SLC18B1: variants seen among roughly 807,000 people sequenced by gnomAD.
SLC18B1 encodes the protein MFS-type transporter SLC18B1.
A neutral mutation model predicts 53.9 loss-of-function variants in SLC18B1; 62 were observed. The ratio of observed to expected loss-of-function variants is 1.15; its 90% confidence interval spans 0.94 to 1.42. The LOEUF is 1.42. SLC18B1 is among the 40% of genes most tolerant of loss of function. The probability of loss-of-function intolerance (pLI) is 0.00; values close to 1 mark genes in which losing one functional copy is unlikely to be tolerated. For missense variants in SLC18B1, 598 were observed against 547.3 expected, an observed-to-expected ratio of 1.09 and a Z score of -0.93; for synonymous variants, 217 against 200.9, an observed-to-expected ratio of 1.08 and a Z score of -0.68.
At chr6:132,776,558 A>C in intron 7 of SLC18B1, 129 bp from the exon 8 acceptor site, 1 of 645,480 alleles carries the variant, frequency 1.5e-6, no homozygotes, top group Non-Finnish European at 2.6e-6. Context: ...CATTTTCCTA[A>C]TTTTCATCTT....
chr6:132,779,246 C>T, intron 7 of SLC18B1, 22 bp downstream of exon 7: 2 of 1,612,682 alleles, frequency 1.2e-6, no homozygotes, highest in Non-Finnish European at 1.7e-6. Context: ...ATGCAGCACT[C>T]TTCAGCAATC....
chr6:132,795,936 G>A (rs1385832704), intron 2 of SLC18B1, among the ~76,000 whole-genome samples: 1 of 152,216 alleles, frequency 6.6e-6, no homozygotes, highest in Admixed American at 6.5e-5. Flanking sequence ...GCCGGGGCTG[G>A]GCGTGGTGGC....
intron 9 of SLC18B1, 71 bp downstream of exon 9, chr6:132,774,151 G>T: frequency 8.3e-7 from 1 of 1,208,504 alleles, no homozygotes; most frequent in Non-Finnish European, 1.2e-6. Flanking sequence ...CTATACCAAT[G>T]TTAAAACAAA....
intron 2 of SLC18B1, 23 bp from the exon 3 acceptor site, chr6:132,790,295 CA>C (rs1420749927): frequency 8.9e-6 from 13 of 1,456,546 alleles, no homozygotes; most frequent in Non-Finnish European, 1.1e-5. Flanking sequence ...GAAACGGAAA[CA>C]AAGTTTCAAA....
intron 5 of SLC18B1, 149 bp from the exon 6 acceptor site, chr6:132,784,238 C>A (rs1212010752): frequency 2.0e-6 from 1 of 491,334 alleles, no homozygotes; most frequent in South Asian, 8.6e-5. Flanking sequence ...ATATTGAAAT[C>A]ATAAAAATAT....
At chr6:132,772,035 T>C (rs1028811419) in intron 11 of SLC18B1, 97 bp downstream of exon 11, 35 of 803,828 alleles carry the variant, frequency 4.4e-5, no homozygotes, top group Middle Eastern at 3.3e-4. Flanking sequence ...GAGGTTGCAG[T>C]GAGCCAAGAT....
intron 8 of SLC18B1, among the ~76,000 whole-genome samples, chr6:132,775,201 A>C (rs1198994385): frequency 6.6e-6 from 1 of 152,196 alleles, no homozygotes; most frequent in Non-Finnish European, 1.5e-5. Context: ...AAAGATGACA[A>C]TCTGTGCGCC....
In SLC18B1 at chr6:132,770,101, G is replaced by A. The variant is rs540779546; in HGVS notation, c.*169C>T. 5 of 487,630 alleles carry A rather than the reference G, an allele frequency of 1.0e-5. No individual in the cohort carries two copies. Among genetic ancestry groups the A allele is most frequent in the Non-Finnish European group, 1.1e-5 (3 of 272,276 alleles). 30.2% of individuals were successfully genotyped at this position (487,630 alleles called of 1,614,324 possible). On this transcript the variant is annotated 3_prime_UTR_variant, in exon 14 of 14. Transcript: ENST00000275227. ...AGCAGGACAGCTTTTCAGTATCACAGTAAGTACAGCCCAATACAGGATCAT... is the reference window on the plus strand; with the variant it reads ...AGCAGGACAGCTTTTCAGTATCACAATAAGTACAGCCCAATACAGGATCAT...
chr6:132,775,908 G>A (rs537570351), intron 8 of SLC18B1, among the ~76,000 whole-genome samples: 60 of 152,200 alleles, frequency 3.9e-4, no homozygotes, highest in East Asian at 1.2e-3. Context: ...TTTCATAAGA[G>A]AGTTTAATCT....
At chr6:132,781,713 C>T (rs1424045234) in intron 6 of SLC18B1, among the ~76,000 whole-genome samples, 2 of 149,760 alleles carry the variant, frequency 1.3e-5, no homozygotes, top group Non-Finnish European at 3.0e-5. Flanking sequence ...GCCAAGATCA[C>T]GCCACTGTAT....
At chr6:132,786,480 C>A (rs1287974875) in intron 5 of SLC18B1, among the ~76,000 whole-genome samples, 1 of 141,196 alleles carries the variant, frequency 7.1e-6, no homozygotes, top group African/African-American at 2.7e-5. Context: ...ACCCGGGAGG[C>A]GGAGCTTGCA....
In SLC18B1 at chr6:132,770,204, C is replaced by G; in HGVS notation, c.*66G>C. 1 of 1,373,136 alleles carries G rather than the reference C, an allele frequency of 7.3e-7. No individual in the cohort carries two copies. The highest frequency in any genetic ancestry group is 1.8e-5 in the Admixed American group (1 of 55,316). 85.1% of individuals were successfully genotyped at this position (1,373,136 alleles called of 1,614,324 possible). A position where few individuals can be genotyped will look rare whatever the true frequency, so the allele number is the denominator to read the frequency against. On this transcript the variant is annotated 3_prime_UTR_variant, in exon 14 of 14. Coordinates refer to ENST00000275227, the MANE Select transcript of SLC18B1 (RefSeq NM_052831.3). ...GCGCGTAAAATTTTAAAAACCCTTC[C>G]TACGGTGATGTTTAAGGCCAGGAGC...
chr6:132,796,532 GAA>G (rs56286125), intron 2 of SLC18B1, among the ~76,000 whole-genome samples: 8,654 of 77,900 alleles, frequency 0.11, 449 homozygotes, highest in African/African-American at 0.23. Context: ...GTCTCGAAAG[GAA>G]AAAAAAAAAA....
intron 5 of SLC18B1, among the ~76,000 whole-genome samples, chr6:132,786,734 G>A (rs943396541): frequency 1.3e-5 from 2 of 152,046 alleles, no homozygotes; most frequent in South Asian, 2.1e-4. Context: ...GCGCCATACC[G>A]ACTATGATAT....
intron 9 of SLC18B1, 117 bp downstream of exon 9, chr6:132,774,105 G>A (rs1429427482): frequency 8.2e-6 from 5 of 611,636 alleles, no homozygotes; most frequent in Non-Finnish European, 1.4e-5. Flanking sequence ...GAGTCCTAAA[G>A]TTAATTATTT....
chr6:132,773,860 A>G (rs1345752403), intron 9 of SLC18B1, among the ~76,000 whole-genome samples: 1 of 145,284 alleles, frequency 6.9e-6, no homozygotes, highest in African/African-American at 2.9e-5. Context: ...CCCTGCCTCA[A>G]GGAAAAAGAA....
intron 7 of SLC18B1, 81 bp downstream of exon 7, chr6:132,779,187 T>G: frequency 6.5e-7 from 1 of 1,533,064 alleles, no homozygotes; most frequent in Non-Finnish European, 8.9e-7. Context: ...CGCAAGGGTC[T>G]TTCCACAGAG....
At chr6:132,795,287 A>G (rs1781647110) in intron 2 of SLC18B1, among the ~76,000 whole-genome samples, 1 of 151,960 alleles carries the variant, frequency 6.6e-6, no homozygotes, top group South Asian at 2.1e-4. Context: ...AGAGAAAGCC[A>G]TTTCCCTGAT....
Position 132,789,781 on chromosome 6 carries a change from T to A in SLC18B1, c.336A>T (p.Gly112=). Residue 112 remains glycine, a synonymous_variant, in exon 4 of 14, where the codon GGA becomes GGT. Coordinates refer to ENST00000275227, the MANE Select transcript of SLC18B1 (RefSeq NM_052831.3). ...MFVAGMFVSG[G]VTILFGVLDR... ...TGACTTACCCAAAGAGAATTGTAAC[T>A]CCTCCTGAGACAAACATTCCTGCTA... 6.2e-7 allele frequency: 1 copy of A among 1,613,090 alleles called. No individual in the cohort carries two copies. Among genetic ancestry groups the A allele is most frequent in the Non-Finnish European group, 8.5e-7 (1 of 1,179,160 alleles).
Sources: gnomAD v4.1 joint callset for allele counts (sites outside exome capture counted in the v4.1 genomes callset) on GRCh38, gnomAD v4.1.1 for gene constraint, MANE v1.5 for transcripts, NCBI Gene and HGNC (gene_info 2026-07-23, HGNC 2026-07-21) for gene names.